Variants in RGS20 observed in about 807,000 individuals in gnomAD.
RGS20 encodes gz-selective GTPase-activating protein.
A neutral mutation model predicts 33.6 loss-of-function variants in RGS20; 30 were observed. The ratio of observed to expected loss-of-function variants is 0.89; its 90% CI spans 0.67 to 1.21. The LOEUF (loss-of-function observed/expected upper bound fraction) is 1.21, where lower values mean the gene tolerates loss of function less well. RGS20 is among the 50% of genes most tolerant of loss of function. RGS20 has a pLI of 0.00. For synonymous variants in RGS20, 208 were observed against 197.9 expected (o/e 1.05, Z -0.43); for missense variants, 472 against 502.4 (o/e 0.94, Z 0.58).
At chr8:53,875,314 C>T (rs972616816) in intron 1 of RGS20, among the ~76,000 whole-genome samples, 3 of 151,694 alleles carry the variant, frequency 2.0e-5, no homozygotes, top group Non-Finnish European at 4.4e-5. Flanking sequence ...TGCCTGTAGT[C>T]CCAGCTACTA....
In RGS20 at chr8:53,881,088, A is replaced by C. The variant is rs1277189251; in HGVS notation, c.510+1486A>C. The C allele has an allele frequency of 6.6e-7, 1 of 1,510,872 alleles. No individual in the cohort carries two copies. Among genetic ancestry groups the C allele is most frequent in the African/African-American group, 1.4e-5 (1 of 69,966 alleles). The allele number at this position is 1,510,872 out of a possible 1,614,324, so 93.6% of individuals were successfully genotyped here. ...CGGCAGGGTGGACGGTGGGCTCGTG[A>C]GTATCCCAGTTCCTCGAACTCTCTT... On this transcript the variant is annotated intron_variant, in intron 2 of 5. Transcript: ENST00000297313.
intron 5 of RGS20, among the ~76,000 whole-genome samples, chr8:53,957,499 G>A (rs979702193): frequency 6.6e-6 from 1 of 152,194 alleles, no homozygotes; most frequent in Non-Finnish European, 1.5e-5. Flanking sequence ...CCAACCCTCC[G>A]GGCAGGCCAG....
intron 1 of RGS20, among the ~76,000 whole-genome samples, chr8:53,874,380 GT>G (rs1812147706): frequency 2.7e-5 from 4 of 146,418 alleles, no homozygotes; most frequent in Non-Finnish European, 4.5e-5. Context: ...GTGTGTGTGT[GT>G]GTGTGTGTGT....
chr8:53,919,783 G>A (rs1813593588), intron 2 of RGS20, among the ~76,000 whole-genome samples: 1 of 152,060 alleles, frequency 6.6e-6, no homozygotes, highest in Admixed American at 6.6e-5. Context: ...CTGGGATTTT[G>A]ATAGGGATTG....
chr8:53,883,672 C>G (rs1260736769), intron 2 of RGS20, among the ~76,000 whole-genome samples: 1 of 151,760 alleles, frequency 6.6e-6, no homozygotes, highest in Non-Finnish European at 1.5e-5. Context: ...CAGCAGAGCA[C>G]GGTGGCTCAC....
intron 2 of RGS20, among the ~76,000 whole-genome samples, chr8:53,882,610 C>T (rs1042333014): frequency 2.6e-5 from 4 of 150,948 alleles, no homozygotes; most frequent in Non-Finnish European, 5.9e-5. Context: ...CGCCACTGCC[C>T]TCCGGCCTGG....
chr8:53,856,052 T>A (rs1013089598), intron 1 of RGS20, among the ~76,000 whole-genome samples: 1 of 152,186 alleles, frequency 6.6e-6, no homozygotes, highest in Non-Finnish European at 1.5e-5. Context: ...GACTGTAGTT[T>A]CCTGGGCTTG....
intron 2 of RGS20, chr8:53,879,741 G>T (rs544093680): frequency 1.4e-6 from 1 of 732,494 alleles, no homozygotes. Context: ...AGGCCGGGAC[G>T]TGGCTGGGCA....
intron 1 of RGS20, among the ~76,000 whole-genome samples, chr8:53,871,404 C>T (rs1338077586): frequency 3.3e-5 from 5 of 151,984 alleles, no homozygotes; most frequent in Admixed American, 1.3e-4. Context: ...AGGCCAGGCA[C>T]GGTGGGTTAC....
At chr8:53,925,108 A>G (rs1447243190) in intron 2 of RGS20, among the ~76,000 whole-genome samples, 2 of 152,066 alleles carry the variant, frequency 1.3e-5, no homozygotes, top group African/African-American at 4.8e-5. Context: ...ATTGATTTAC[A>G]CTGCCATTGC....
At chr8:53,923,996 C>T (rs1224752306) in intron 2 of RGS20, among the ~76,000 whole-genome samples, 1 of 151,308 alleles carries the variant, frequency 6.6e-6, no homozygotes, top group East Asian at 1.9e-4. Context: ...TGCCTTTCTT[C>T]ATATGTTTTG....
At chr8:53,933,006 G>T (rs773370933) in intron 2 of RGS20, among the ~76,000 whole-genome samples, 19 of 152,182 alleles carry the variant, frequency 1.2e-4, no homozygotes, top group Non-Finnish European at 1.9e-4. Flanking sequence ...AACTCCAGCA[G>T]ACCTGCAGCA....
chr8:53,884,356 T>G (rs900856540), intron 2 of RGS20, among the ~76,000 whole-genome samples: 1 of 152,074 alleles, frequency 6.6e-6, no homozygotes, highest in African/African-American at 2.4e-5. Flanking sequence ...CCACCGCACC[T>G]GGCTAATTTT....
intron 2 of RGS20, among the ~76,000 whole-genome samples, chr8:53,909,778 A>G (rs530477788): frequency 6.6e-6 from 1 of 152,330 alleles, no homozygotes; most frequent in African/African-American, 2.4e-5. Context: ...ATGATGAACC[A>G]TTTCTGAGAA....
chr8:53,901,309 C>G lies in RGS20; in HGVS notation c.510+21707C>G, dbSNP rs145726128. On this transcript the variant is annotated intron_variant, in intron 2 of 5. Transcript: ENST00000297313. ...TCTCGAGCTCCTGACCTCAAGTGATCCACCCGCCTTGGCCTCCCAAAGTGT... is the reference window on the plus strand; with the variant it reads ...TCTCGAGCTCCTGACCTCAAGTGATGCACCCGCCTTGGCCTCCCAAAGTGT... Among the ~76,000 whole-genome samples, 485 of 152,262 alleles carry G rather than the reference C, an allele frequency of 3.2e-3. 3 individuals carry two copies. Among genetic ancestry groups the G allele is most frequent in the African/African-American group, 0.011 (460 of 41,558 alleles).
At chr8:53,854,895 A>T (rs2129265964) in intron 1 of RGS20, among the ~76,000 whole-genome samples, 1 of 152,320 alleles carries the variant, frequency 6.6e-6, no homozygotes, top group South Asian at 2.1e-4. Context: ...TGAATGATTA[A>T]ACAAACTGTG....
At chr8:53,955,055 G>C (rs936727599) in intron 5 of RGS20, among the ~76,000 whole-genome samples, 1 of 151,312 alleles carries the variant, frequency 6.6e-6, no homozygotes, top group African/African-American at 2.4e-5. Context: ...GACATTTGGA[G>C]CCGCTCTGCA....
At chr8:53,932,685 G>A (rs1814006764) in intron 2 of RGS20, among the ~76,000 whole-genome samples, 1 of 152,170 alleles carries the variant, frequency 6.6e-6, no homozygotes, top group Non-Finnish European at 1.5e-5. Flanking sequence ...TGGGGGAAGG[G>A]GCAGCTATGG....
At chr8:53,924,069 G>A (rs1332605252) in intron 2 of RGS20, among the ~76,000 whole-genome samples, 1 of 151,838 alleles carries the variant, frequency 6.6e-6, no homozygotes, top group Non-Finnish European at 1.5e-5. Flanking sequence ...CCAGGCCGGA[G>A]TGCAATGGAA....
Sources: gnomAD v4.1 joint callset for allele counts (sites outside exome capture counted in the v4.1 genomes callset) on GRCh38, gnomAD v4.1.1 for gene constraint, MANE v1.5 for transcripts, NCBI Gene and HGNC (gene_info 2026-07-23, HGNC 2026-07-21) for gene names.